Variants in CYBB observed in about 807,000 individuals in gnomAD.
CYBB encodes the protein NADPH oxidase 2.
CYBB carries 5 observed loss-of-function variants against 46.5 expected under a neutral mutation model. The ratio of observed to expected loss-of-function variants is 0.11; its 90% confidence interval spans 0.06 to 0.23. The LOEUF is 0.23. CYBB is among the 10% of genes least tolerant of loss of function. The pLI, the probability that CYBB is intolerant of heterozygous loss-of-function variation, is 1.00. For missense variants in CYBB, 307 were observed against 428.3 expected (o/e 0.72, Z 2.50); for synonymous variants, 183 against 156.7 (o/e 1.17, Z -1.26).
At chrX:37,800,363 G>A (rs1278976041) in intron 7 of CYBB, among the ~76,000 whole-genome samples, 1 of 111,396 alleles carries the variant, frequency 9.0e-6, no homozygotes. Flanking sequence ...TATATTTGGG[G>A]CAAATATTCT....
At position 37,798,966 on chromosome X, in the gene CYBB, G is replaced by A. The variant is rs139670417; in HGVS notation, c.686G>A (p.Arg229His). Residue 229 changes from arginine to histidine, a missense_variant, in exon 7 of 13, where the codon CGT (arginine) becomes CAT (histidine). Physicochemically the swap from Arg to His is conservative, Grantham distance 29. This residue lies in a region of CYBB where 82 missense variants were observed against 69.9 expected (regional missense o/e 1.17). Coordinates refer to ENST00000378588, the MANE Select transcript of CYBB (RefSeq NM_000397.4). ...LAIHGAERIVRGQTAESLAVH... is the reference protein window; with the variant it reads ...LAIHGAERIVHGQTAESLAVH... ...CATTTTTCACCCAGACGAATTGTAC[G>A]TGGGCAGACCGCAGAGAGTTTGGCT... 297 of 1,205,587 alleles carry A rather than the reference G, an allele frequency of 2.5e-4. No individual in the cohort carries two copies. In the African/African-American group the frequency reaches 3.8e-3, roughly 15 times the overall value.
Position 37,812,637 on chromosome X carries a change from A to T in CYBB, c.*1720A>T, listed in dbSNP as rs1602186996. On this transcript the variant is annotated 3_prime_UTR_variant, in exon 13 of 13. Transcript: ENST00000378588. ...ACAAATTTTGATGCTGAGGGGGATTATTCAAGGGACTAGGATGAACTAAAT... is the reference window on the plus strand; with the variant it reads ...ACAAATTTTGATGCTGAGGGGGATTTTTCAAGGGACTAGGATGAACTAAAT... The T allele has an allele frequency of 8.9e-6, 1 of 111,914 alleles. No homozygotes were observed. The highest frequency in any genetic ancestry group is 2.7e-4 in the East Asian group (1 of 3,669). The allele number at this position is 111,914 out of a possible 1,213,427, so 9.2% of individuals were successfully genotyped here.
chrX:37,801,281 T>A lies in CYBB; in HGVS notation c.830T>A (p.Met277Lys). The A allele has an allele frequency of 8.3e-7, 1 of 1,207,973 alleles. No homozygotes were observed. Among genetic ancestry groups the A allele is most frequent in the Non-Finnish European group, 1.1e-6 (1 of 892,269 alleles). ...ACTTGGAAATGGATAGTGGGTCCCATGTTTCTGTATCTCTGTGAGAGGTTG... is the reference window on the plus strand; with the variant it reads ...ACTTGGAAATGGATAGTGGGTCCCAAGTTTCTGTATCTCTGTGAGAGGTTG... ...PMTWKWIVGP[M>K]FLYLCERLVR... Residue 277 changes from methionine (M) to lysine (K), a missense_variant, in exon 8 of 13, where the codon ATG becomes AAG. Coordinates refer to ENST00000378588, the MANE Select transcript of CYBB (RefSeq NM_000397.4).
At chrX:37,785,866 T>G (rs1407156218) in intron 3 of CYBB, among the ~76,000 whole-genome samples, 3 of 111,677 alleles carry the variant, frequency 2.7e-5, no homozygotes, top group Admixed American at 9.5e-5. Context: ...CAAATTTCAC[T>G]GCCGGTGAGC....
At chrX:37,784,040 T>C (rs954165878) in intron 3 of CYBB, among the ~76,000 whole-genome samples, 3 of 111,608 alleles carry the variant, frequency 2.7e-5, no homozygotes, top group African/African-American at 9.8e-5. Flanking sequence ...AGTCACACTA[T>C]AATGAATGTA....
rs781935760 is a variant in CYBB, at chrX:37,804,082, C to T, written c.1103C>T (p.Ala368Val). ...VGDWTEGLFN[A>V]CGCDKQEFQD... ...GACTGGACAGAGGGGCTGTTCAATG[C>T]TTGTGGCTGTGATAAGCAGGAGTTT... Residue 368 changes from alanine (A) to valine (V), a missense_variant, in exon 9 of 13, where the codon GCT (alanine) becomes GTT (valine). This residue lies in a region of CYBB where 122 missense variants were observed against 208.3 expected (regional missense o/e 0.59). Coordinates refer to ENST00000378588, the MANE Select transcript of CYBB (RefSeq NM_000397.4). 7 of 1,208,806 alleles carry T rather than the reference C, an allele frequency of 5.8e-6. No homozygotes were observed. Among genetic ancestry groups the T allele is most frequent in the Admixed American group, 2.2e-5 (1 of 45,626 alleles).
chrX:37,799,798 A>G (rs1387692737), intron 7 of CYBB, among the ~76,000 whole-genome samples: 1 of 111,920 alleles, frequency 8.9e-6, no homozygotes, highest in Non-Finnish European at 1.9e-5. Context: ...CCATTGGCAG[A>G]TGGTATACTT....
chrX:37,798,572 C>T (rs1402747740), intron 6 of CYBB, among the ~76,000 whole-genome samples: 1 of 111,805 alleles, frequency 8.9e-6, no homozygotes, highest in African/African-American at 3.2e-5. Context: ...AGGAAGGGTA[C>T]CATTTTCTAA....
rs200614534 is a variant in CYBB at position 37,805,074 on chromosome X, T to C, written c.1220T>C (p.Val407Ala). 1.7e-6 allele frequency: 2 copies of C among 1,209,889 alleles called. No individual in the cohort carries two copies. The highest frequency in any genetic ancestry group is 5.9e-5 in the East Asian group (2 of 33,744). ...TTCAGCTATGAGGTGGTGATGTTAG[T>C]GGGAGCAGGGATTGGGGTCACACCC... ...DVFSYEVVML[V>A]GAGIGVTPFA... is the part of the protein sequence containing the mutation. Residue 407 changes from valine (V) to alanine (A), a missense_variant, in exon 10 of 13, where the codon GTG (valine) becomes GCG (alanine). By Grantham distance (64) the Val-to-Ala change is moderately conservative (BLOSUM62 0). Transcript: ENST00000378588.
chrX:37,796,956 T>G (rs1292841504), intron 6 of CYBB, among the ~76,000 whole-genome samples: 3 of 111,619 alleles, frequency 2.7e-5, no homozygotes, highest in African/African-American at 9.8e-5. Flanking sequence ...TTTGCCTGAT[T>G]GGAGATCCTC....
At chrX:37,806,896 C>CTCTGTGTGTG (rs782587393) in intron 11 of CYBB, among the ~76,000 whole-genome samples, 1 of 106,344 alleles carries the variant, frequency 9.4e-6, no homozygotes, top group African/African-American at 3.5e-5. Flanking sequence ...CTCTCTGTCT[C>CTCTGTGTGTG]TGTGTGTGTG....
chrX:37,812,960 C>G lies in CYBB; in HGVS notation c.*2043C>G, dbSNP rs916295002. 1.8e-5 allele frequency: 2 copies of G among 111,783 alleles called. No individual in the cohort carries two copies. The highest frequency in any genetic ancestry group is 3.3e-5 in the African/African-American group (1 of 30,718). 9.2% of individuals were successfully genotyped at this position (111,783 alleles called of 1,213,427 possible). ...AGAGGGTACCTCAGTTATAAGGAGT[C>G]TGAGAATATTGGCCCTTTCTAACCT... On this transcript the variant is annotated 3_prime_UTR_variant, in exon 13 of 13. Transcript: ENST00000378588.
chrX:37,800,364 C>A (rs904678240), intron 7 of CYBB, among the ~76,000 whole-genome samples: 7 of 111,394 alleles, frequency 6.3e-5, no homozygotes, highest in African/African-American at 2.3e-4. Flanking sequence ...ATATTTGGGG[C>A]AAATATTCTT....
At chrX:37,809,321 G>A (rs868948293) in intron 11 of CYBB, among the ~76,000 whole-genome samples, 2 of 111,645 alleles carry the variant, frequency 1.8e-5, no homozygotes, top group Middle Eastern at 4.2e-3. Context: ...TCATTAGGAC[G>A]CTTGTGCCTC....
rs1929690499 is a variant in CYBB at position 37,812,171 on chromosome X, TCA to T, written c.*1258_*1259del. ...AAAAATCTCTATACAGAGATCAAATTCACACTCAATAGTATGTTCTGAATATA... is the reference window on the plus strand; with the variant it reads ...AAAAATCTCTATACAGAGATCAAATTCACTCAATAGTATGTTCTGAATATA... On this transcript the variant is annotated 3_prime_UTR_variant, in exon 13 of 13. Transcript: ENST00000378588. The T allele has an allele frequency of 8.9e-6, 1 of 112,164 alleles. No homozygotes were observed. Among genetic ancestry groups the T allele is most frequent in the South Asian group, 3.7e-4 (1 of 2,716 alleles). The allele number at this position is 112,164 out of a possible 1,213,427, so 9.2% of individuals were successfully genotyped here.
intron 3 of CYBB, among the ~76,000 whole-genome samples, chrX:37,790,625 C>A (rs1556466716): frequency 1.8e-5 from 2 of 111,169 alleles, no homozygotes; most frequent in African/African-American, 6.5e-5. Flanking sequence ...AGAACCTGAC[C>A]TCATGGTTTA....
intron 12 of CYBB, among the ~76,000 whole-genome samples, chrX:37,810,307 T>A (rs375906842): frequency 9.0e-6 from 1 of 111,703 alleles, no homozygotes; most frequent in African/African-American, 3.3e-5. Flanking sequence ...TTTAGAAGAT[T>A]TGAGGTAGGG....
At chrX:37,805,546 G>C (rs1929541495) in intron 10 of CYBB, among the ~76,000 whole-genome samples, 1 of 111,186 alleles carries the variant, frequency 9.0e-6, no homozygotes, top group African/African-American at 3.3e-5. Context: ...TTCATGTCCT[G>C]CTTTTAAAAA....
chrX:37,806,330 G>A (rs1929559332), intron 10 of CYBB, 57 bp from the exon 11 acceptor site: 1 of 1,153,880 alleles, frequency 8.7e-7, no homozygotes, highest in African/African-American at 1.8e-5. Context: ...ATTCCACATG[G>A]TAATGCTGAT....
Sources: gnomAD v4.1 joint callset for allele counts (sites outside exome capture counted in the v4.1 genomes callset) on GRCh38, gnomAD v4.1.1 for gene constraint, gnomAD v4.1.1 regional missense constraint, MANE v1.5 for transcripts, NCBI Gene and HGNC (gene_info 2026-07-23, HGNC 2026-07-21) for gene names.